Variants in DNAH2 observed in about 807,000 individuals in gnomAD.
The protein encoded by DNAH2 is axonemal beta dynein heavy chain 2.
DNAH2 carries 323 observed loss-of-function variants against 523.5 expected under a neutral mutation model. The ratio of observed to expected loss-of-function variants is 0.62; its 90% CI spans 0.56 to 0.68. DNAH2 has a LOEUF of 0.68. Among genes scored for constraint, DNAH2 ranks in the 30% least tolerant of loss-of-function variants. The pLI is 0.00. For missense variants in DNAH2, 4,907 were observed against 5,701.5 expected, an observed-to-expected ratio of 0.86 and a Z score of 4.49; for synonymous variants, 2,093 against 2,177.4, an observed-to-expected ratio of 0.96 and a Z score of 1.08.
chr17:7,819,372 A>C lies in DNAH2; in HGVS notation c.10979A>C (p.Asp3660Ala), dbSNP rs1239980719. ...HRSNKLEDRI[D>A]YLNDYHTYAV... is the part of the protein sequence containing the mutation. Reference sequence around the variant, plus strand: ...AGCAATAAGCTGGAGGACCGCATTGACTACCTGAATGACTACCACACCTAC... The same window carrying C: ...AGCAATAAGCTGGAGGACCGCATTGCCTACCTGAATGACTACCACACCTAC... The change falls in exon 72 of 86, where the codon GAC becomes GCC. Residue 3660 changes from aspartate to alanine, a missense_variant. Physicochemically the swap from Asp to Ala is moderately radical, Grantham distance 126 (BLOSUM62 -2). Coordinates refer to ENST00000572933, the MANE Select transcript of DNAH2 (RefSeq NM_020877.5). 1 of 1,614,272 alleles carries C rather than the reference A, an allele frequency of 6.2e-7. No individual in the cohort carries two copies. The highest frequency in any genetic ancestry group is 8.5e-7 in the Non-Finnish European group (1 of 1,180,062).
chr17:7,740,392 G>C (rs549351836), intron 9 of DNAH2, 28 bp from the exon 10 acceptor site: 1 of 1,612,668 alleles, frequency 6.2e-7, no homozygotes, highest in South Asian at 1.1e-5. Context: ...AGGGCACTCA[G>C]CTGCCACATG....
At position 7,807,429 on chromosome 17, in the gene DNAH2, G is replaced by C. The variant is rs2077397282; in HGVS notation, c.9613-41G>C. The C allele has an allele frequency of 6.2e-7, 1 of 1,609,780 alleles. No homozygotes were observed. The highest frequency in any genetic ancestry group is 1.3e-5 in the African/African-American group (1 of 74,886). On this transcript the variant is annotated intron_variant, in intron 62 of 85. Transcript: ENST00000572933. This position sits in a 1 kb window ranked among gnomAD's most constrained non-coding sequence, Gnocchi z 5.6. ...ATGCCTGGAGGTGAGGGGGTTGGTGGGTTGGTGGGCGACTCCCACAGCCTG... is the reference window on the plus strand; with the variant it reads ...ATGCCTGGAGGTGAGGGGGTTGGTGCGTTGGTGGGCGACTCCCACAGCCTG...
Position 7,819,357 on chromosome 17 carries a change from T to C in DNAH2, c.10964T>C (p.Leu3655Pro). 6.2e-7 allele frequency: 1 copy of C among 1,614,270 alleles called. No individual in the cohort carries two copies. The highest frequency in any genetic ancestry group is 1.1e-5 in the South Asian group (1 of 91,092). ...SIDKSHRSNK[L>P]EDRIDYLNDY... ...GACAAAAGCCACCGCAGCAATAAGCTGGAGGACCGCATTGACTACCTGAAT... is the reference window on the plus strand; with the variant it reads ...GACAAAAGCCACCGCAGCAATAAGCCGGAGGACCGCATTGACTACCTGAAT... The change falls in exon 72 of 86, where the codon CTG (leucine) becomes CCG (proline). Residue 3655 changes from leucine (L) to proline (P), a missense_variant. Coordinates refer to ENST00000572933, the MANE Select transcript of DNAH2 (RefSeq NM_020877.5).
Position 7,831,028 on chromosome 17 carries a change from C to A in DNAH2, c.12231-58C>A. The A allele has an allele frequency of 6.4e-7, 1 of 1,565,310 alleles. No homozygotes were observed. The highest frequency in any genetic ancestry group is 8.7e-7 in the Non-Finnish European group (1 of 1,147,218). On this transcript the variant is annotated intron_variant, in intron 79 of 85. Coordinates refer to ENST00000572933, the MANE Select transcript of DNAH2 (RefSeq NM_020877.5). This position sits in a 1 kb window ranked among gnomAD's most constrained non-coding sequence, Gnocchi z 4.2. ...GACATGCATAGGTTTGGGGTCTTGG[C>A]CTGGCATTGAGGGCTGAGTCCCCAC...
intron 32 of DNAH2, 136 bp from the exon 33 acceptor site, chr17:7,777,310 G>A (rs1302542511): frequency 2.1e-6 from 2 of 944,282 alleles, no homozygotes; most frequent in African/African-American, 3.3e-5. Flanking sequence ...GCAGTCCGTG[G>A]TAGAGCAGAA....
chr17:7,734,431 T>C (rs1211569775), intron 6 of DNAH2, 39 bp from the exon 7 acceptor site: 2 of 1,607,644 alleles, frequency 1.2e-6, no homozygotes, highest in Admixed American at 1.7e-5. Flanking sequence ...TGGGAAGCAG[T>C]GTGAAGAAAC....
At chr17:7,793,675 G>C (rs989577133) in intron 48 of DNAH2, among the ~76,000 whole-genome samples, 1 of 151,866 alleles carries the variant, frequency 6.6e-6, no homozygotes, top group Non-Finnish European at 1.5e-5. Context: ...ATGTTGGCCA[G>C]GCTGGTTTTG....
Position 7,774,951 on chromosome 17 carries a change from A to C in DNAH2, c.4694A>C (p.Asn1565Thr). ...VQPHLKKCFD[N>T]IKLLRIQKVG... ...CCACACCTCAAAAAATGCTTTGACAACATCAAGTTGCTGAGAATCCAGAAG... is the reference window on the plus strand; with the variant it reads ...CCACACCTCAAAAAATGCTTTGACACCATCAAGTTGCTGAGAATCCAGAAG... The change falls in exon 29 of 86, where the codon AAC (asparagine) becomes ACC (threonine). Residue 1565 changes from asparagine (N) to threonine (T), a missense_variant. Coordinates refer to ENST00000572933, the MANE Select transcript of DNAH2 (RefSeq NM_020877.5). 1.2e-6 allele frequency: 2 copies of C among 1,614,064 alleles called. No homozygotes were observed. The highest frequency in any genetic ancestry group is 1.7e-6 in the Non-Finnish European group (2 of 1,180,044).
intron 3 of DNAH2, 110 bp downstream of exon 3, chr17:7,723,799 A>G (rs1433735713): frequency 3.1e-6 from 3 of 953,134 alleles, no homozygotes; most frequent in Non-Finnish European, 5.0e-6. Flanking sequence ...CACTTCTTCT[A>G]CTTGCTCTCT....
rs1597616774 is a variant in DNAH2, at chr17:7,775,256, A to G, written c.4735A>G (p.Ser1579Gly). 6.2e-7 allele frequency: 1 copy of G among 1,613,288 alleles called. No individual in the cohort carries two copies. Among genetic ancestry groups the G allele is most frequent in the Non-Finnish European group, 8.5e-7 (1 of 1,179,654 alleles). Residue 1579 changes from serine to glycine, a missense_variant, in exon 30 of 86, where the codon AGC becomes GGC. Ser to Gly is a moderately conservative substitution (Grantham distance 56). Around this residue, in one of 3 missense-constraint regions of DNAH2, gnomAD observed 2,806 missense variants for 3,190.8 expected, o/e 0.88. Coordinates refer to ENST00000572933, the MANE Select transcript of DNAH2 (RefSeq NM_020877.5). ...CTTTCTGCAGGTTGGAGGGCCCAGC[A>G]GCAAATGGGAAGCTGTGGGGATGTT... ...LRIQKVGGPS[S>G]KWEAVGMFSG...
At chr17:7,796,729 AAC>A in intron 50 of DNAH2, 77 bp downstream of exon 50, 2 of 1,486,812 alleles carry the variant, frequency 1.3e-6, no homozygotes, top group Non-Finnish European at 1.8e-6. Flanking sequence ...ACTAAGCCTT[AAC>A]ACTCACTAGC....
chr17:7,792,970 C>A lies in DNAH2; in HGVS notation c.7345-11C>A. On this transcript the variant is annotated splice_polypyrimidine_tract_variant and intron_variant, in intron 47 of 85. Coordinates refer to ENST00000572933, the MANE Select transcript of DNAH2 (RefSeq NM_020877.5). ...GGGGACCCACACATTCATTCGGTAC[C>A]TTTTCACCAGACCACATCCAATAAC... 6.2e-7 allele frequency: 1 copy of A among 1,604,816 alleles called. No individual in the cohort carries two copies. The highest frequency in any genetic ancestry group is 8.5e-7 in the Non-Finnish European group (1 of 1,172,628).
chr17:7,744,179 A>G (rs1313715962), intron 12 of DNAH2, among the ~76,000 whole-genome samples: 1 of 151,596 alleles, frequency 6.6e-6, no homozygotes, highest in African/African-American at 2.4e-5. Flanking sequence ...CTATAATCCT[A>G]GCTACTTGGG....
intron 35 of DNAH2, among the ~76,000 whole-genome samples, 169 bp downstream of exon 35, chr17:7,778,638 G>A (rs959442868): frequency 4.6e-5 from 7 of 152,022 alleles, no homozygotes; most frequent in Non-Finnish European, 8.8e-5. Flanking sequence ...GCATGATCTC[G>A]GTTCACTGCA....
In DNAH2 at chr17:7,786,007, G is replaced by A. The variant is rs1315632008; in HGVS notation, c.6130-117G>A. 12 of 1,038,658 alleles carry A rather than the reference G, an allele frequency of 1.2e-5. No homozygotes were observed. Among genetic ancestry groups the A allele is most frequent in the South Asian group, 1.6e-5 (1 of 64,408 alleles). 64.3% of individuals were successfully genotyped at this position (1,038,658 alleles called of 1,614,324 possible). A position where few individuals can be genotyped will look rare whatever the true frequency, so the allele number is the denominator to read the frequency against. The stretch of plus-strand genomic sequence containing the variant: ...AGTGAACAGAGCCGGAGTGCAGAGG[G>A]CCCTGGTGCCATTTTTAACAGTTTG... On this transcript the variant is annotated intron_variant, in intron 39 of 85. Transcript: ENST00000572933. The surrounding 1 kb of genome is among the most constrained non-coding windows in gnomAD (Gnocchi z 7.5).
rs370894673 is a variant in DNAH2 at position 7,831,826 on chromosome 17, A to G, written c.12726+51A>G. ...TCTCCAACAATGAGCTCCCCTCTCA[A>G]TCCTGGGCCCCCCAATCTCCTGGTT... is the stretch of plus-strand genomic sequence containing the variant. On this transcript the variant is annotated intron_variant, in intron 82 of 85. Coordinates refer to ENST00000572933, the MANE Select transcript of DNAH2 (RefSeq NM_020877.5). The surrounding 1 kb of genome is among the most constrained non-coding windows in gnomAD (Gnocchi z 4.2). The G allele has an allele frequency of 5.9e-6, 9 of 1,522,998 alleles. No homozygotes were observed. The highest frequency in any genetic ancestry group is 1.4e-5 in the African/African-American group (1 of 72,960). The allele number at this position is 1,522,998 out of a possible 1,614,324, so 94.3% of individuals were successfully genotyped here. A position where few individuals can be genotyped will look rare whatever the true frequency, so the allele number is the denominator to read the frequency against.
At chr17:7,830,165 A>AT in intron 77 of DNAH2, 135 bp from the exon 78 acceptor site, 8 of 876,770 alleles carry the variant, frequency 9.1e-6, no homozygotes, top group South Asian at 1.8e-5. Context: ...ATCAACGGCT[A>AT]CATTTCAGCC....
In DNAH2 at chr17:7,831,211, T is replaced by C. The variant is rs2078164885; in HGVS notation, c.12356T>C (p.Val4119Ala). ...TTTGGCCAGCACCCCAATGCTGATGTGGCCTCTCAGATCACTGAGGCACAA... is the reference window on the plus strand; with the variant it reads ...TTTGGCCAGCACCCCAATGCTGATGCGGCCTCTCAGATCACTGAGGCACAA... Reference protein sequence around the residue: ...EAFGQHPNADVASQITEAQTL... With the variant: ...EAFGQHPNADAASQITEAQTL... The change falls in exon 80 of 86, where the codon GTG becomes GCG. Residue 4119 changes from valine (V) to alanine (A), a missense_variant. Around this residue, in one of 3 missense-constraint regions of DNAH2, gnomAD observed 1,851 missense variants for 2,139.4 expected, o/e 0.87. Transcript: ENST00000572933. This position sits in a 1 kb window ranked among gnomAD's most constrained non-coding sequence, Gnocchi z 4.2. 2 of 1,614,194 alleles carry C rather than the reference T, an allele frequency of 1.2e-6. No individual in the cohort carries two copies. Among genetic ancestry groups the C allele is most frequent in the Non-Finnish European group, 1.7e-6 (2 of 1,180,040 alleles).
chr17:7,778,983 C>T (rs1240613991), intron 35 of DNAH2, among the ~76,000 whole-genome samples: 1 of 152,148 alleles, frequency 6.6e-6, no homozygotes, highest in African/African-American at 2.4e-5. Flanking sequence ...TTAACTGGAG[C>T]AGAGTAGACA....
Sources: gnomAD v4.1 joint callset for allele counts (sites outside exome capture counted in the v4.1 genomes callset) on GRCh38, gnomAD v4.1.1 for gene constraint, gnomAD v4.1.1 regional missense constraint, Gnocchi (gnomAD v3.1) non-coding constraint, MANE v1.5 for transcripts, NCBI Gene and HGNC (gene_info 2026-07-23, HGNC 2026-07-21) for gene names.